Variants in NEGR1 observed in about 807,000 individuals in gnomAD.
NEGR1 encodes neuronal growth regulator 1.
NEGR1 carries 10 observed loss-of-function variants against 40.9 expected under a neutral mutation model. That is an observed-to-expected ratio of 0.24 (90% CI 0.15 to 0.42). The LOEUF (loss-of-function observed/expected upper bound fraction) is 0.42, where lower values mean the gene tolerates loss of function less well. Ranked by LOEUF, NEGR1 falls within the 10% of genes least tolerant of loss-of-function variation. The pLI, the probability that NEGR1 is intolerant of heterozygous loss-of-function variation, is 1.00. For missense variants in NEGR1, 352 were observed against 438.9 expected (o/e 0.80, Z 1.77); for synonymous variants, 185 against 166.8 (o/e 1.11, Z -0.84).
Position 71,984,908 on chromosome 1 carries a change from G to A in NEGR1, c.177-49597C>T, listed in dbSNP as rs373831508. On this transcript the variant is annotated intron_variant, in intron 1 of 6. Transcript: ENST00000357731. The stretch of plus-strand genomic sequence containing the variant: ...TAATAACTAATGCTTATAATGAACC[G>A]AGCATAATTTTAAGCCTTTTACATA... 4.6e-4 allele frequency among the ~76,000 whole-genome samples: 70 copies of A among 152,000 alleles called. 1 individual carries two copies. In the South Asian group the frequency reaches 0.012, roughly 27 times the overall value.
chr1:72,011,911 A>T (rs1184732448), intron 1 of NEGR1, among the ~76,000 whole-genome samples: 1 of 152,132 alleles, frequency 6.6e-6, no homozygotes, highest in Non-Finnish European at 1.5e-5. Flanking sequence ...GATGAAGTAC[A>T]TGGAAGCTTT....
At chr1:71,740,513 T>G (rs1338316361) in intron 3 of NEGR1, among the ~76,000 whole-genome samples, 8 of 152,114 alleles carry the variant, frequency 5.3e-5, no homozygotes, top group African/African-American at 1.9e-4. Context: ...GGTTGCAACC[T>G]ATGAAAACAA....
intron 6 of NEGR1, among the ~76,000 whole-genome samples, chr1:71,445,718 C>G (rs577477479): frequency 1.3e-5 from 2 of 152,160 alleles, no homozygotes; most frequent in Admixed American, 1.3e-4. Context: ...CCCCAATATG[C>G]GTCTTCTTAC....
intron 6 of NEGR1, among the ~76,000 whole-genome samples, chr1:71,536,461 C>T (rs1194459244): frequency 6.6e-6 from 1 of 151,680 alleles, no homozygotes; most frequent in Non-Finnish European, 1.5e-5. Flanking sequence ...TCCCTTTCAC[C>T]CTCTGCCATG....
At chr1:72,216,350 A>G (rs1653809337) in intron 1 of NEGR1, among the ~76,000 whole-genome samples, 1 of 142,954 alleles carries the variant, frequency 7.0e-6, no homozygotes, top group Non-Finnish European at 1.5e-5. Context: ...TTCTGCACAT[A>G]TATATCCTAG....
chr1:71,740,258 A>G (rs1431262006), intron 3 of NEGR1, among the ~76,000 whole-genome samples: 1 of 152,176 alleles, frequency 6.6e-6, no homozygotes, highest in Non-Finnish European at 1.5e-5. Flanking sequence ...CCTCTAATGG[A>G]GAATACAGAT....
chr1:72,031,957 G>T (rs1341374328), intron 1 of NEGR1, among the ~76,000 whole-genome samples: 1 of 152,158 alleles, frequency 6.6e-6, no homozygotes, highest in Admixed American at 6.6e-5. Flanking sequence ...AATCTCCACA[G>T]CCTAGTGAGG....
chr1:71,850,772 A>T (rs1472188838), intron 2 of NEGR1, among the ~76,000 whole-genome samples: 1 of 152,140 alleles, frequency 6.6e-6, no homozygotes, highest in Non-Finnish European at 1.5e-5. Context: ...TATCTAGGGA[A>T]TACAATATTA....
chr1:72,105,493 C>T (rs1368068215), intron 1 of NEGR1, among the ~76,000 whole-genome samples: 1 of 151,682 alleles, frequency 6.6e-6, no homozygotes, highest in Non-Finnish European at 1.5e-5. Flanking sequence ...TGCTTGGGCC[C>T]AGGAGTTTGA....
chr1:71,769,690 C>T (rs375751251), intron 3 of NEGR1, among the ~76,000 whole-genome samples: 1 of 152,194 alleles, frequency 6.6e-6, no homozygotes, highest in African/African-American at 2.4e-5. Context: ...CCTCCCCAGT[C>T]CTGTGGAACC....
chr1:71,488,620 C>T (rs1223987164), intron 6 of NEGR1, among the ~76,000 whole-genome samples: 2 of 151,708 alleles, frequency 1.3e-5, no homozygotes, highest in Non-Finnish European at 2.9e-5. Context: ...TCAGATTCTT[C>T]ATCCAATTTT....
chr1:71,711,361 A>AG (rs1394693971), intron 3 of NEGR1, among the ~76,000 whole-genome samples: 172 of 150,144 alleles, frequency 1.1e-3, no homozygotes, highest in African/African-American at 4.1e-3. Flanking sequence ...AAAAAAAAAA[A>AG]AAGAAGAAGA....
At chr1:72,222,276 G>A (rs1654038316) in intron 1 of NEGR1, among the ~76,000 whole-genome samples, 1 of 152,100 alleles carries the variant, frequency 6.6e-6, no homozygotes, top group South Asian at 2.1e-4. Flanking sequence ...CTACCCCAGT[G>A]GGCACCTGCA....
chr1:71,746,960 T>G (rs950212723), intron 3 of NEGR1, among the ~76,000 whole-genome samples: 1 of 152,206 alleles, frequency 6.6e-6, no homozygotes, highest in Non-Finnish European at 1.5e-5. Flanking sequence ...GCTTATCTGA[T>G]TCTAAGGGTC....
At chr1:71,967,473 A>C (rs187611776) in intron 1 of NEGR1, among the ~76,000 whole-genome samples, 1 of 152,316 alleles carries the variant, frequency 6.6e-6, no homozygotes, top group Non-Finnish European at 1.5e-5. Context: ...AATTTTAAAG[A>C]ATATGATCAT....
At chr1:71,942,300 A>C (rs533512791) in intron 1 of NEGR1, among the ~76,000 whole-genome samples, 3 of 150,170 alleles carry the variant, frequency 2.0e-5, no homozygotes, top group South Asian at 4.2e-4. Context: ...GGGAAAAAAA[A>C]CTGAAAATTA....
intron 2 of NEGR1, among the ~76,000 whole-genome samples, chr1:71,796,082 A>G (rs1229875871): frequency 6.6e-6 from 1 of 152,164 alleles, no homozygotes; most frequent in Non-Finnish European, 1.5e-5. Context: ...CTAACTGGAT[A>G]TTAACATAGT....
intron 6 of NEGR1, among the ~76,000 whole-genome samples, chr1:71,435,343 G>A (rs1172589691): frequency 6.6e-6 from 1 of 152,082 alleles, no homozygotes; most frequent in Admixed American, 6.5e-5. Flanking sequence ...AGGACTTAAT[G>A]CCAGCAAAGG....
At chr1:71,797,183 A>G (rs1480654542) in intron 2 of NEGR1, among the ~76,000 whole-genome samples, 1 of 152,144 alleles carries the variant, frequency 6.6e-6, no homozygotes, top group Non-Finnish European at 1.5e-5. Context: ...TCATTTAGTA[A>G]TGTGCCTCGC....
Sources: allele counts gnomAD v4.1 joint callset (sites outside exome capture counted in the v4.1 genomes callset), GRCh38; gene constraint gnomAD v4.1.1; transcripts MANE v1.5; gene names NCBI Gene and HGNC (gene_info 2026-07-23, HGNC 2026-07-21).